Variants in SMG1 observed in about 807,000 individuals in gnomAD.
SMG1 encodes the protein serine/threonine-protein kinase SMG1.
In SMG1, 22 loss-of-function variants were observed where a neutral mutation model predicts 419.9. The observed-to-expected ratio is 0.05, with a 90% CI of 0.04 to 0.07. The LOEUF is 0.07. Among genes scored for constraint, SMG1 ranks in the 10% least tolerant of loss-of-function variants. The pLI, the probability that SMG1 is intolerant of heterozygous loss-of-function variation, is 1.00. For missense variants in SMG1, 3,185 were observed against 4,342.0 expected (o/e 0.73, Z 7.49); for synonymous variants, 1,538 against 1,553.5 (o/e 0.99, Z 0.23).
intron 1 of SMG1, among the ~76,000 whole-genome samples, chr16:18,909,441 G>A (rs1281685416): frequency 2.6e-5 from 4 of 152,176 alleles, no homozygotes; most frequent in Admixed American, 1.3e-4. Flanking sequence ...CTACTCAGGA[G>A]GCTGAAACAG....
At position 18,926,092 on chromosome 16, in the gene SMG1, G is replaced by A; in HGVS notation, c.-51C>T. 6.7e-7 allele frequency: 1 copy of A among 1,495,576 alleles called. No individual in the cohort carries two copies. The highest frequency in any genetic ancestry group is 8.9e-7 in the Non-Finnish European group (1 of 1,126,630). The allele number at this position is 1,495,576 out of a possible 1,614,324, so 92.6% of individuals were successfully genotyped here. A position where few individuals can be genotyped will look rare whatever the true frequency, so the allele number is the denominator to read the frequency against. On this transcript the variant is annotated 5_prime_UTR_variant, in exon 1 of 63. Transcript: ENST00000446231. ...AGCGCCGCCGCCCAAAGAAGCGCGA[G>A]TCGCCGCCCGAACCGGCCGCCGCCG...
Position 18,836,372 on chromosome 16 carries a change from G to T in SMG1, c.7765C>A (p.Gln2589Lys). 1.2e-6 allele frequency: 2 copies of T among 1,613,742 alleles called. No homozygotes were observed. Among genetic ancestry groups the T allele is most frequent in the Non-Finnish European group, 8.5e-7 (1 of 1,179,752 alleles). Residue 2589 changes from glutamine (Q) to lysine (K), a missense_variant, in exon 47 of 63, where the codon CAA becomes AAA. Physicochemically the swap from Gln to Lys is moderately conservative, Grantham distance 53 (BLOSUM62 1). Coordinates refer to ENST00000446231, the MANE Select transcript of SMG1 (RefSeq NM_015092.5). ...AGTCAACCCATACCAAGGTCCATTT[G>T]TGTGCTTATCTCTTGAAGCAAGCTT... The part of the protein sequence containing the change: ...LASLLQEIST[Q>K]MDLGPPSYVP...
chr16:18,894,070 T>TAAATA (rs2037007380), intron 3 of SMG1, among the ~76,000 whole-genome samples: 1 of 150,394 alleles, frequency 6.6e-6, no homozygotes, highest in Non-Finnish European at 1.5e-5. Context: ...AATAAATAAA[T>TAAATA]AAATAAATAA....
intron 60 of SMG1, among the ~76,000 whole-genome samples, chr16:18,813,470 T>C (rs998605812): frequency 6.6e-6 from 1 of 152,240 alleles, no homozygotes; most frequent in Non-Finnish European, 1.5e-5. Context: ...AATGTCTTCT[T>C]TTGAGAAGTG....
Position 18,847,561 on chromosome 16 carries a change from T to C in SMG1, c.5888A>G (p.Asp1963Gly), listed in dbSNP as rs2034337330. 3.7e-6 allele frequency: 6 copies of C among 1,613,856 alleles called. No homozygotes were observed. The highest frequency in any genetic ancestry group is 5.1e-6 in the Non-Finnish European group (6 of 1,179,892). The change falls in exon 38 of 63, where the codon GAT (aspartate) becomes GGT (glycine). Residue 1963 changes from aspartate to glycine, a missense_variant. Physicochemically the swap from Asp to Gly is moderately conservative, Grantham distance 94. Transcript: ENST00000446231. ...CAGCAAAACTCCCAGCCAGAGCTCATCCCAGAGCACAGTGACCCTGCGCAG... is the reference window on the plus strand; with the variant it reads ...CAGCAAAACTCCCAGCCAGAGCTCACCCCAGAGCACAGTGACCCTGCGCAG... ...AELRRVTVLW[D>G]ELWLGVLLQQ...
At position 18,815,421 on chromosome 16, in the gene SMG1, G is replaced by A; in HGVS notation, c.10514+19C>T. 1.2e-6 allele frequency: 2 copies of A among 1,611,090 alleles called. No individual in the cohort carries two copies. The highest frequency in any genetic ancestry group is 1.7e-6 in the Non-Finnish European group (2 of 1,177,390). On this transcript the variant is annotated intron_variant, in intron 59 of 62. Transcript: ENST00000446231. ...TTTGTACTTATGTTTTATAAATTCTGACCAGAAGGCATTCTTACCTCTGAC... is the reference window on the plus strand; with the variant it reads ...TTTGTACTTATGTTTTATAAATTCTAACCAGAAGGCATTCTTACCTCTGAC...
rs1299118994 is a variant in SMG1, at chr16:18,877,222, T to A, written c.1529A>T (p.Gln510Leu). 1 of 1,538,872 alleles carries A rather than the reference T, an allele frequency of 6.5e-7. No individual in the cohort carries two copies. Among genetic ancestry groups the A allele is most frequent in the East Asian group, 2.3e-5 (1 of 43,282 alleles). ...TGATGATGGCAGTTTCGTATTTATC[T>A]GTTCAACAATCTAAAAGAATAAAAT... ...VLNLLTLIVE[Q>L]INTKLPSSFV... Residue 510 changes from glutamine to leucine, a missense_variant, in exon 12 of 63, where the codon CAG (glutamine) becomes CTG (leucine). By Grantham distance (113) the Gln-to-Leu change is moderately radical (BLOSUM62 -2). Transcript: ENST00000446231.
intron 39 of SMG1, among the ~76,000 whole-genome samples, chr16:18,844,735 T>C (rs2034160022): frequency 6.6e-6 from 1 of 152,098 alleles, no homozygotes; most frequent in Non-Finnish European, 1.5e-5. Context: ...TTTTAATAGC[T>C]TTCTCACTGC....
At chr16:18,869,731 T>C (rs1334053231) in intron 19 of SMG1, 123 bp downstream of exon 19, 2 of 773,168 alleles carry the variant, frequency 2.6e-6, no homozygotes, top group Admixed American at 2.6e-5. Context: ...ATAACCCATA[T>C]GAGAAGAATG....
chr16:18,894,930 G>C (rs1326113123), intron 3 of SMG1, among the ~76,000 whole-genome samples: 1 of 152,024 alleles, frequency 6.6e-6, no homozygotes, highest in Non-Finnish European at 1.5e-5. Context: ...CCAGTCTCCT[G>C]CCTCAGCCTC....
In SMG1 at chr16:18,853,851, T is replaced by G; in HGVS notation, c.4500A>C (p.Ala1500=). The change falls in exon 31 of 63, where the codon GCA becomes GCC. Residue 1500 remains alanine (A), a synonymous_variant. Coordinates refer to ENST00000446231, the MANE Select transcript of SMG1 (RefSeq NM_015092.5). ...LLYTAGQSTH[A]MEMLSSCAIS... Reference sequence around the variant, plus strand: ...TGGCACAAGAACTCAACATTTCCATTGCATGTGTTGACTGGCCTACAGAAA... The same window carrying G: ...TGGCACAAGAACTCAACATTTCCATGGCATGTGTTGACTGGCCTACAGAAA... The G allele has an allele frequency of 6.2e-7, 1 of 1,611,238 alleles. No individual in the cohort carries two copies.
At chr16:18,916,566 C>T (rs908384221) in intron 1 of SMG1, among the ~76,000 whole-genome samples, 9 of 147,356 alleles carry the variant, frequency 6.1e-5, no homozygotes, top group African/African-American at 2.2e-4. Flanking sequence ...AGTATCTCTG[C>T]ATGAGCAAAC....
At chr16:18,895,432 T>C (rs146754507) in intron 3 of SMG1, among the ~76,000 whole-genome samples, 1,538 of 151,794 alleles carry the variant, frequency 0.01, 34 homozygotes, top group African/African-American at 0.035. Context: ...TGAGCAGAGA[T>C]TGCAGCACTG....
chr16:18,871,677 G>T (rs574061321), intron 15 of SMG1, among the ~76,000 whole-genome samples, 195 bp from the exon 16 acceptor site: 1 of 152,042 alleles, frequency 6.6e-6, no homozygotes, highest in African/African-American at 2.4e-5. Flanking sequence ...ACCTCCCAAC[G>T]CAGCATGATA....
At chr16:18,877,558 A>G (rs576594078) in intron 11 of SMG1, 1 of 188,220 alleles carries the variant, frequency 5.3e-6, no homozygotes, top group African/African-American at 2.3e-5. Context: ...GTTAAAGTCC[A>G]TAGAATACAT....
rs146634531 is a variant in SMG1 at position 18,879,043 on chromosome 16, G to C, written c.1518+452C>G. The C allele has an allele frequency of 5.4e-3, 1,101 of 203,032 alleles. 16 individuals carry two copies. The highest frequency in any genetic ancestry group is 0.025 in the African/African-American group (1,035 of 42,140). The allele number at this position is 203,032 out of a possible 1,614,324, so 12.6% of individuals were successfully genotyped here. Reference sequence around the variant, plus strand: ...ATTGCATTAAAAATAAAAGTAAATAGACACTAAAATGAAAGCACAGATTAT... The same window carrying C: ...ATTGCATTAAAAATAAAAGTAAATACACACTAAAATGAAAGCACAGATTAT... On this transcript the variant is annotated intron_variant, in intron 11 of 62. Transcript: ENST00000446231.
intron 1 of SMG1, among the ~76,000 whole-genome samples, chr16:18,916,569 G>A (rs557396845): frequency 6.9e-6 from 1 of 144,214 alleles, no homozygotes; most frequent in East Asian, 2.1e-4. Context: ...ATCTCTGCAT[G>A]AGCAAACTCC....
rs148466618 is a variant in SMG1 at position 18,872,373 on chromosome 16, T to C, written c.2022-28A>G. The C allele has an allele frequency of 1.2e-3, 1,854 of 1,530,224 alleles. 21 individuals are homozygous for C. In the African/African-American group the frequency reaches 0.023, roughly 19 times the overall value. 94.8% of individuals were successfully genotyped at this position (1,530,224 alleles called of 1,614,324 possible). A position where few individuals can be genotyped will look rare whatever the true frequency, so the allele number is the denominator to read the frequency against. On this transcript the variant is annotated intron_variant, in intron 14 of 62. Coordinates refer to ENST00000446231, the MANE Select transcript of SMG1 (RefSeq NM_015092.5). ...GAAAGACAAAGCACAGATTATCTTT[T>C]CATCTTTAATCAAAGAAAGCAAGCA...
chr16:18,844,464 C>G (rs1260837669), intron 39 of SMG1, among the ~76,000 whole-genome samples: 1 of 25,974 alleles, frequency 3.9e-5, no homozygotes, highest in Non-Finnish European at 8.1e-5. Flanking sequence ...ACCCCCCCCC[C>G]CCGCCCACCT....
Sources: allele counts gnomAD v4.1 joint callset (sites outside exome capture counted in the v4.1 genomes callset), GRCh38; gene constraint gnomAD v4.1.1; transcripts MANE v1.5; gene names NCBI Gene and HGNC (gene_info 2026-07-23, HGNC 2026-07-21).